KIF6: variants seen among roughly 807,000 people sequenced by gnomAD.
The protein encoded by KIF6 is kinesin-like protein KIF6.
Under a neutral mutation model 112.7 loss-of-function variants are expected in KIF6, and 106 were observed. That is an observed-to-expected ratio of 0.94 (90% CI 0.80 to 1.11). The LOEUF is 1.11. KIF6 is among the 50% of genes least tolerant of loss of function. KIF6 has a pLI of 0.00. For missense variants in KIF6, 929 were observed against 964.0 expected (o/e 0.96, Z 0.48); for synonymous variants, 339 against 339.9 (o/e 1.00, Z 0.03).
chr6:39,699,397 G>C (rs1300836591), intron 3 of KIF6, among the ~76,000 whole-genome samples: 1 of 152,098 alleles, frequency 6.6e-6, no homozygotes, highest in African/African-American at 2.4e-5. Context: ...GAGCATTCCA[G>C]ACACAGAAAA....
chr6:39,346,120 TCCCTCCCTCTCC>T (rs1763756360), intron 20 of KIF6, among the ~76,000 whole-genome samples: 2 of 47,874 alleles, frequency 4.2e-5, no homozygotes, highest in South Asian at 1.0e-3. Flanking sequence ...CCTCTCCCTC[TCCCTCCCTCTCC>T]CTCTCTCTCT....
intron 15 of KIF6, among the ~76,000 whole-genome samples, chr6:39,403,024 G>C (rs968981438): frequency 4.0e-5 from 6 of 151,298 alleles, no homozygotes; most frequent in African/African-American, 1.5e-4. Flanking sequence ...TACCTAAAGT[G>C]CTCTTTCTAG....
chr6:39,509,306 A>T (rs1253955241), intron 13 of KIF6, among the ~76,000 whole-genome samples: 1 of 152,152 alleles, frequency 6.6e-6, no homozygotes, highest in African/African-American at 2.4e-5. Context: ...AATTCCAAAA[A>T]CCAGAACATG....
intron 3 of KIF6, among the ~76,000 whole-genome samples, chr6:39,685,402 T>C (rs972264100): frequency 6.6e-6 from 1 of 152,060 alleles, no homozygotes; most frequent in Non-Finnish European, 1.5e-5. Flanking sequence ...ACTTGATTGG[T>C]TGGGTCTATT....
intron 13 of KIF6, among the ~76,000 whole-genome samples, chr6:39,503,502 C>A (rs867618017): frequency 1.3e-5 from 2 of 150,292 alleles, no homozygotes; most frequent in African/African-American, 2.4e-5. Flanking sequence ...GACAGAAACA[C>A]GAAAACCCCT....
At chr6:39,579,213 C>A (rs1396666609) in intron 9 of KIF6, among the ~76,000 whole-genome samples, 1 of 152,142 alleles carries the variant, frequency 6.6e-6, no homozygotes, top group Non-Finnish European at 1.5e-5. Flanking sequence ...GATGTAAGTT[C>A]CTGTTTCCAC....
intron 16 of KIF6, 74 bp from the exon 17 acceptor site, chr6:39,362,592 CAG>C (rs763502825): frequency 1.5e-5 from 18 of 1,172,946 alleles, no homozygotes; most frequent in Non-Finnish European, 2.2e-5. Context: ...GGGCAGATGA[CAG>C]AGTTCAAGGG....
In KIF6 at chr6:39,460,431, G is replaced by A. The variant is rs1211490052; in HGVS notation, c.1646-29270C>T. ...GGAGATATACCTAATGCTAGATGAC[G>A]AGTTAGTGGGTGTAGCGCACCAGCA... On this transcript the variant is annotated intron_variant, in intron 13 of 22. Coordinates refer to ENST00000287152, the MANE Select transcript of KIF6 (RefSeq NM_145027.6). Among the ~76,000 whole-genome samples, 23 of 133,132 alleles carry A rather than the reference G, an allele frequency of 1.7e-4. No individual in the cohort carries two copies. The East Asian group carries it at 3.3e-3, about 19-fold the overall frequency. The allele number at this position is 133,132 out of a possible 152,430, so 87.3% of individuals were successfully genotyped here.
At chr6:39,652,635 C>CA in intron 3 of KIF6, among the ~76,000 whole-genome samples, 1 of 152,120 alleles carries the variant, frequency 6.6e-6, no homozygotes, top group South Asian at 2.1e-4. Flanking sequence ...ACTTCAAACT[C>CA]AGTCTGATCA....
intron 6 of KIF6, among the ~76,000 whole-genome samples, chr6:39,602,975 T>C (rs1201079297): frequency 6.6e-6 from 1 of 152,220 alleles, no homozygotes; most frequent in Admixed American, 6.5e-5. Flanking sequence ...CAGTCATTAA[T>C]ATCCAAACCC....
At chr6:39,478,560 G>T (rs1774589442) in intron 13 of KIF6, among the ~76,000 whole-genome samples, 1 of 152,154 alleles carries the variant, frequency 6.6e-6, no homozygotes, top group African/African-American at 2.4e-5. Flanking sequence ...ACCTAGGAGT[G>T]AGATTGCTGG....
chr6:39,681,693 C>T (rs1442945743), intron 3 of KIF6, among the ~76,000 whole-genome samples: 1 of 152,190 alleles, frequency 6.6e-6, no homozygotes, highest in Non-Finnish European at 1.5e-5. Flanking sequence ...AGAGTCAGAA[C>T]TCTTCCCTTC....
intron 13 of KIF6, among the ~76,000 whole-genome samples, chr6:39,458,560 T>TAGGAAAAGA (rs1248691771): frequency 1.7e-4 from 26 of 150,330 alleles, no homozygotes; most frequent in Admixed American, 6.6e-4. Context: ...GGTATTCAAT[T>TAGGAAAAGA]AGGAAAAGAG....
intron 22 of KIF6, among the ~76,000 whole-genome samples, chr6:39,339,771 G>C (rs1253914461): frequency 6.6e-6 from 1 of 152,154 alleles, no homozygotes; most frequent in East Asian, 1.9e-4. Flanking sequence ...CCCCTGGCAG[G>C]GATTTAAACA....
chr6:39,561,433 C>A (rs544853715), intron 10 of KIF6, among the ~76,000 whole-genome samples: 17 of 151,792 alleles, frequency 1.1e-4, no homozygotes, highest in African/African-American at 2.2e-4. Context: ...CTCACTGCAA[C>A]CTCCGCCTTC....
chr6:39,462,355 A>C (rs556869382), intron 13 of KIF6, among the ~76,000 whole-genome samples: 1 of 152,230 alleles, frequency 6.6e-6, no homozygotes, highest in Non-Finnish European at 1.5e-5. Flanking sequence ...AGGCAAACTC[A>C]TATGAAGATG....
chr6:39,391,361 G>C (rs1767882882), intron 15 of KIF6, among the ~76,000 whole-genome samples: 1 of 152,188 alleles, frequency 6.6e-6, no homozygotes, highest in Non-Finnish European at 1.5e-5. Flanking sequence ...CCCAATCTGT[G>C]AGTGAAAGGG....
intron 13 of KIF6, among the ~76,000 whole-genome samples, chr6:39,451,912 C>T (rs981434958): frequency 6.6e-6 from 1 of 152,114 alleles, no homozygotes; most frequent in Non-Finnish European, 1.5e-5. Context: ...AAATGGGTAG[C>T]TAGGAGAAAA....
intron 6 of KIF6, among the ~76,000 whole-genome samples, chr6:39,603,152 C>T (rs1047656191): frequency 3.0e-4 from 46 of 152,248 alleles, no homozygotes; most frequent in Middle Eastern, 3.4e-3. Flanking sequence ...TGGCGTCCTG[C>T]TCATTTTGTG....
Sources: gnomAD v4.1 joint callset for allele counts (sites outside exome capture counted in the v4.1 genomes callset) on GRCh38, gnomAD v4.1.1 for gene constraint, MANE v1.5 for transcripts, NCBI Gene and HGNC (gene_info 2026-07-23, HGNC 2026-07-21) for gene names.